Variants in MTMR7 observed in about 807,000 individuals in gnomAD.
The protein encoded by MTMR7 is myotubularin related protein 7.
A neutral mutation model predicts 81.2 loss-of-function variants in MTMR7; 76 were observed. The observed-to-expected ratio is 0.94, with a 90% CI of 0.78 to 1.13. The LOEUF is 1.13. Ranked by LOEUF, MTMR7 falls within the 50% of genes most tolerant of loss-of-function variation. The pLI, the probability that MTMR7 is intolerant of heterozygous loss-of-function variation, is 0.00. For missense variants in MTMR7, 1,044 were observed against 820.0 expected, an observed-to-expected ratio of 1.27 and a Z score of -3.34; for synonymous variants, 372 against 289.8, an observed-to-expected ratio of 1.28 and a Z score of -2.88.
At chr8:17,388,034 T>A (rs549865529) in intron 1 of MTMR7, among the ~76,000 whole-genome samples, 1 of 152,316 alleles carries the variant, frequency 6.6e-6, no homozygotes, top group South Asian at 2.1e-4. Context: ...GTAAGAGTGA[T>A]AGAAATTCTT....
At chr8:17,383,676 C>T (rs1179545340) in intron 1 of MTMR7, among the ~76,000 whole-genome samples, 2 of 152,294 alleles carry the variant, frequency 1.3e-5, no homozygotes, top group African/African-American at 4.8e-5. Context: ...GCTCTAGCTA[C>T]AGCTAAAAGA....
At chr8:17,392,720 G>A (rs532855232) in intron 1 of MTMR7, among the ~76,000 whole-genome samples, 35 of 152,326 alleles carry the variant, frequency 2.3e-4, no homozygotes, top group African/African-American at 8.2e-4. Context: ...CTAGAGTTGG[G>A]TTACAGGGAG....
chr8:17,350,907 C>T (rs756438495), intron 4 of MTMR7, among the ~76,000 whole-genome samples: 1 of 152,208 alleles, frequency 6.6e-6, no homozygotes, highest in Non-Finnish European at 1.5e-5. Context: ...GCCTGTGGCA[C>T]TGACACTCTA....
rs1316847668 is a variant in MTMR7, at chr8:17,299,995, AGATCTG to A, written c.1844_1849del (p.Pro615_Asp616del). 1.9e-6 allele frequency: 3 copies of A among 1,614,158 alleles called. No homozygotes were observed. The highest frequency in any genetic ancestry group is 2.5e-6 in the Non-Finnish European group (3 of 1,180,018). ...GGACTCTTGGTCACTGTTGGCTGAC[AGATCTG>A]GATCTGAACTTTTCAGATTGTCTTG... On this transcript the variant is annotated inframe_deletion, in exon 14 of 14. Coordinates refer to ENST00000180173, the MANE Select transcript of MTMR7 (RefSeq NM_004686.5).
At chr8:17,378,657 A>G (rs965254548) in intron 1 of MTMR7, among the ~76,000 whole-genome samples, 3 of 152,232 alleles carry the variant, frequency 2.0e-5, no homozygotes, top group Non-Finnish European at 2.9e-5. Context: ...CATACTCTGA[A>G]AAAGGCTATG....
In MTMR7 at chr8:17,358,596, A is replaced by G. The variant is rs557705137; in HGVS notation, c.468+2521T>C. Among the ~76,000 whole-genome samples the G allele has an allele frequency of 2.0e-5, 3 of 152,350 alleles. No homozygotes were observed. The South Asian group carries it at 6.2e-4, about 32-fold the overall frequency. ...CAGACTCAAAATACTTATTAAAAAT[A>G]GAATACTGTGTTTTATGATGACATA... On this transcript the variant is annotated intron_variant, in intron 4 of 13. Coordinates refer to ENST00000180173, the MANE Select transcript of MTMR7 (RefSeq NM_004686.5).
At chr8:17,362,960 A>C (rs947029382) in intron 3 of MTMR7, among the ~76,000 whole-genome samples, 10 of 152,194 alleles carry the variant, frequency 6.6e-5, no homozygotes, top group African/African-American at 2.4e-4. Context: ...TGAGAGTAAG[A>C]AGCAACTGCT....
At chr8:17,320,232 A>G (rs368325507) in intron 7 of MTMR7, among the ~76,000 whole-genome samples, 3 of 152,154 alleles carry the variant, frequency 2.0e-5, no homozygotes, top group East Asian at 3.8e-4. Context: ...TGTGTCTTGC[A>G]TTTTACTTCT....
chr8:17,379,724 A>G (rs980194676), intron 1 of MTMR7, among the ~76,000 whole-genome samples: 1 of 152,168 alleles, frequency 6.6e-6, no homozygotes, highest in Admixed American at 6.5e-5. Context: ...CAACACAAGC[A>G]CTGTTAGTCT....
chr8:17,364,645 TC>T (rs2150560077), intron 3 of MTMR7, among the ~76,000 whole-genome samples: 1 of 152,328 alleles, frequency 6.6e-6, no homozygotes, highest in Admixed American at 6.5e-5. Flanking sequence ...CTGTCATAGA[TC>T]CCACATGTAA....
chr8:17,399,917 ATTG>A (rs1386887233), intron 1 of MTMR7, among the ~76,000 whole-genome samples: 1 of 151,872 alleles, frequency 6.6e-6, no homozygotes, highest in Non-Finnish European at 1.5e-5. Context: ...ATGTATCTAA[ATTG>A]TTGTGTAAAT....
intron 1 of MTMR7, among the ~76,000 whole-genome samples, chr8:17,410,395 G>A (rs1044699622): frequency 2.0e-5 from 3 of 151,194 alleles, no homozygotes; most frequent in Admixed American, 1.3e-4. Flanking sequence ...GCTACTTCCA[G>A]GAGCCCTGAA....
At chr8:17,358,416 G>A (rs1819960812) in intron 4 of MTMR7, among the ~76,000 whole-genome samples, 1 of 152,214 alleles carries the variant, frequency 6.6e-6, no homozygotes, top group African/African-American at 2.4e-5. Context: ...AAACATGTTA[G>A]GACTTAAGGA....
intron 1 of MTMR7, among the ~76,000 whole-genome samples, chr8:17,398,626 T>A (rs978601201): frequency 1.3e-5 from 2 of 152,060 alleles, no homozygotes; most frequent in Admixed American, 1.3e-4. Context: ...GAAATGGGAA[T>A]ATAAAGTGTA....
intron 5 of MTMR7, among the ~76,000 whole-genome samples, chr8:17,346,799 C>CA (rs34036522): frequency 0.14 from 15,938 of 110,996 alleles, 1,065 homozygotes; most frequent in Non-Finnish European, 0.19. Flanking sequence ...ATGGATGCTA[C>CA]AAAAAAAAAA....
At position 17,402,872 on chromosome 8, in the gene MTMR7, G is replaced by A. The variant is rs1256292207; in HGVS notation, c.24+10397C>T. On this transcript the variant is annotated intron_variant, in intron 1 of 13. Transcript: ENST00000180173. The stretch of plus-strand genomic sequence containing the variant: ...ATTTACATTCCCACCAACAGTGCAT[G>A]AGAGTTCCCTTTTCTTCTTATCCTT... 3.3e-5 allele frequency among the ~76,000 whole-genome samples: 5 copies of A among 152,172 alleles called. No homozygotes were observed. In the East Asian group the frequency reaches 7.7e-4, roughly 23 times the overall value.
At chr8:17,338,313 G>C (rs938127449) in intron 6 of MTMR7, among the ~76,000 whole-genome samples, 20 of 152,042 alleles carry the variant, frequency 1.3e-4, no homozygotes, top group African/African-American at 4.8e-4. Context: ...AATATGCCTG[G>C]CTCTACAGCT....
intron 1 of MTMR7, among the ~76,000 whole-genome samples, chr8:17,374,759 G>A (rs1820523937): frequency 1.3e-5 from 2 of 152,116 alleles, no homozygotes; most frequent in African/African-American, 4.8e-5. Flanking sequence ...GTTGCAGTGA[G>A]CCAAGATCGT....
intron 1 of MTMR7, among the ~76,000 whole-genome samples, chr8:17,413,046 G>C (rs891162806): frequency 8.5e-5 from 13 of 152,196 alleles, no homozygotes; most frequent in African/African-American, 3.1e-4. Flanking sequence ...AAAACCAAGA[G>C]GTCAGACCCA....
Sources: gnomAD v4.1 joint callset for allele counts (sites outside exome capture counted in the v4.1 genomes callset) on GRCh38, gnomAD v4.1.1 for gene constraint, MANE v1.5 for transcripts, NCBI Gene and HGNC (gene_info 2026-07-23, HGNC 2026-07-21) for gene names.